MPHOSPH10: variants seen among roughly 807,000 people sequenced by gnomAD.
The protein encoded by MPHOSPH10 is M-phase phosphoprotein 10.
A neutral mutation model predicts 77.3 loss-of-function variants in MPHOSPH10; 33 were observed. The observed-to-expected ratio is 0.43, with a 90% CI of 0.32 to 0.57. MPHOSPH10 has a LOEUF of 0.57. MPHOSPH10 is among the 20% of genes least tolerant of loss of function. The probability of loss-of-function intolerance (pLI) is 0.07; values close to 1 mark genes in which losing one functional copy is unlikely to be tolerated. For synonymous variants in MPHOSPH10, 245 were observed against 268.0 expected, an observed-to-expected ratio of 0.91 and a Z score of 0.84; for missense variants, 708 against 780.1, an observed-to-expected ratio of 0.91 and a Z score of 1.10.
At position 71,138,528 on chromosome 2, in the gene MPHOSPH10, A is replaced by G. The variant is rs1429411333; in HGVS notation, c.1137A>G (p.Leu379=). 8 of 1,598,852 alleles carry G rather than the reference A, an allele frequency of 5.0e-6. No homozygotes were observed. Among genetic ancestry groups the G allele is most frequent in the Non-Finnish European group, 6.8e-6 (8 of 1,174,736 alleles). Residue 379 remains leucine (L), a synonymous_variant, in exon 5 of 11, where the codon TTA becomes TTG. Coordinates refer to ENST00000244230, the MANE Select transcript of MPHOSPH10 (RefSeq NM_005791.3). ...TTGCATCTTTAGAAAAAGAGTTGTTAGAAAAAAAGCCGTGGCAGCTTCAGG... is the reference window on the plus strand; with the variant it reads ...TTGCATCTTTAGAAAAAGAGTTGTTGGAAAAAAAGCCGTGGCAGCTTCAGG... ...EKIASLEKEL[L]EKKPWQLQGE...
At chr2:71,140,025 C>A (rs1186495512) in intron 6 of MPHOSPH10, among the ~76,000 whole-genome samples, 163 bp downstream of exon 6, 1 of 152,136 alleles carries the variant, frequency 6.6e-6, no homozygotes, top group Non-Finnish European at 1.5e-5. Flanking sequence ...AGGTACTGCT[C>A]TTCAGTAGTA....
At chr2:71,141,178 A>G (rs1347047480) in intron 6 of MPHOSPH10, 54 bp from the exon 7 acceptor site, 4 of 1,233,732 alleles carry the variant, frequency 3.2e-6, no homozygotes, top group Non-Finnish European at 4.2e-6. Context: ...TCTTAAGTGA[A>G]CCTAGAAATA....
chr2:71,133,148 G>A lies in MPHOSPH10; in HGVS notation c.340G>A (p.Glu114Lys), dbSNP rs1673419560. 3 of 1,613,986 alleles carry A rather than the reference G, an allele frequency of 1.9e-6. No individual in the cohort carries two copies. Among genetic ancestry groups the A allele is most frequent in the South Asian group, 1.1e-5 (1 of 91,068 alleles). The change falls in exon 2 of 11, where the codon GAA (glutamate) becomes AAA (lysine). Residue 114 changes from glutamate (E) to lysine (K), a missense_variant. Glu to Lys is a moderately conservative substitution (Grantham distance 56). Around this residue, in one of 3 missense-constraint regions of MPHOSPH10, gnomAD observed 433 missense variants for 432.6 expected, o/e 1.00. Coordinates refer to ENST00000244230, the MANE Select transcript of MPHOSPH10 (RefSeq NM_005791.3). ...ISLLPESEEQ[E>K]REEDGSEIEA... Reference sequence around the variant, plus strand: ...TCTTCTCCCAGAGAGTGAAGAACAGGAACGTGAAGAGGATGGTTCAGAGAT... The same window carrying A: ...TCTTCTCCCAGAGAGTGAAGAACAGAAACGTGAAGAGGATGGTTCAGAGAT...
Position 71,149,390 on chromosome 2 carries a change from CA to C in MPHOSPH10, c.1837del (p.Thr613GlnfsTer2), listed in dbSNP as rs1558757644. 6.2e-7 allele frequency: 1 copy of C among 1,613,116 alleles called. No homozygotes were observed. Among genetic ancestry groups the C allele is most frequent in the South Asian group, 1.1e-5 (1 of 91,022 alleles). On this transcript the variant is annotated frameshift_variant, in exon 10 of 11. Coordinates refer to ENST00000244230, the MANE Select transcript of MPHOSPH10 (RefSeq NM_005791.3). LOFTEE classifies it high-confidence loss of function. ...GTGTAGATCAAGCAGGGAAATACAG[CA>C]AAACAGTAGCTTCGGAGAAGTTAAA... The part of the protein sequence containing the change: ...SSVDQAGKYS[K>X]TVASEKLKQL...
At chr2:71,147,621 C>T (rs562395344) in intron 8 of MPHOSPH10, among the ~76,000 whole-genome samples, 8 of 151,746 alleles carry the variant, frequency 5.3e-5, no homozygotes, top group East Asian at 1.9e-4. Flanking sequence ...TGCAGTGAGC[C>T]GAGATAGCGC....
rs1035464899 is a variant in MPHOSPH10, at chr2:71,134,903, A to G, written c.1098+106A>G. 2.2e-5 allele frequency: 20 copies of G among 916,520 alleles called. No homozygotes were observed. The African/African-American group carries it at 3.4e-4, about 15-fold the overall frequency. 56.8% of individuals were successfully genotyped at this position (916,520 alleles called of 1,614,324 possible). On this transcript the variant is annotated intron_variant, in intron 4 of 10. Coordinates refer to ENST00000244230, the MANE Select transcript of MPHOSPH10 (RefSeq NM_005791.3). The stretch of plus-strand genomic sequence containing the variant: ...ATATCTTGGCCAGGTGCAGTGGCTC[A>G]CGCCTGTAATCCTAACACTTTGGTA...
Position 71,135,142 on chromosome 2 carries a change from G to A in MPHOSPH10, c.1098+345G>A, listed in dbSNP as rs1340077165. ...GATTGCATCACTGCTCTCTAGCCTG[G>A]GCGGCAAGCAAGACCTTGTCTTAAA... is the stretch of plus-strand genomic sequence containing the variant. On this transcript the variant is annotated intron_variant, in intron 4 of 10. Transcript: ENST00000244230. 2.6e-5 allele frequency among the ~76,000 whole-genome samples: 4 copies of A among 152,174 alleles called. No homozygotes were observed. In the East Asian group the frequency reaches 7.7e-4, roughly 29 times the overall value.
intron 4 of MPHOSPH10, among the ~76,000 whole-genome samples, chr2:71,136,423 G>A (rs1212897966): frequency 6.6e-6 from 1 of 152,042 alleles, no homozygotes; most frequent in Admixed American, 6.6e-5. Context: ...GCTGATGGGG[G>A]AGGATCTCTT....
At position 71,149,371 on chromosome 2, in the gene MPHOSPH10, A is replaced by T. The variant is rs1572902443; in HGVS notation, c.1814A>T (p.Asp605Val). 3 of 1,614,178 alleles carry T rather than the reference A, an allele frequency of 1.9e-6. No homozygotes were observed. Among genetic ancestry groups the T allele is most frequent in the East Asian group, 2.2e-5 (1 of 44,886 alleles). ...AAACTGCTTGAAAAGAGCAGTGTAGATCAAGCAGGGAAATACAGCAAAACA... is the reference window on the plus strand; with the variant it reads ...AAACTGCTTGAAAAGAGCAGTGTAGTTCAAGCAGGGAAATACAGCAAAACA... ...RRKLLEKSSV[D>V]QAGKYSKTVA... The change falls in exon 10 of 11, where the codon GAT (aspartate) becomes GTT (valine). Residue 605 changes from aspartate to valine, a missense_variant. Physicochemically the swap from Asp to Val is radical, Grantham distance 152. Transcript: ENST00000244230.
Position 71,134,620 on chromosome 2 carries a change from T to C in MPHOSPH10, c.927-6T>C, listed in dbSNP as rs1287419136. 6.3e-7 allele frequency: 1 copy of C among 1,588,324 alleles called. No individual in the cohort carries two copies. Among genetic ancestry groups the C allele is most frequent in the South Asian group, 1.2e-5 (1 of 85,412 alleles). On this transcript the variant is annotated splice_polypyrimidine_tract_variant and splice_region_variant and intron_variant, in intron 3 of 10. Coordinates refer to ENST00000244230, the MANE Select transcript of MPHOSPH10 (RefSeq NM_005791.3). ...ATTTCTTTTTATAAGAGTTTTGGTA[T>C]TGTAGGGATGAAGATGATGACCTTC... is the stretch of plus-strand genomic sequence containing the variant.
rs1252533533 is a variant in MPHOSPH10 at position 71,133,398 on chromosome 2, A to G, written c.590A>G (p.Lys197Arg). 6.2e-7 allele frequency: 1 copy of G among 1,614,156 alleles called. No homozygotes were observed. The highest frequency in any genetic ancestry group is 1.3e-5 in the African/African-American group (1 of 75,058). ...QNKGQGKPRE[K>R]SIVDDKFFKL... ...AAAGGACAGGGAAAACCAAGAGAAA[A>G]GTCCATAGTAGATGATAAATTCTTC... is the stretch of plus-strand genomic sequence containing the variant. The change falls in exon 2 of 11, where the codon AAG becomes AGG. Residue 197 changes from lysine (K) to arginine (R), a missense_variant. Lys to Arg is a conservative substitution (Grantham distance 26). Coordinates refer to ENST00000244230, the MANE Select transcript of MPHOSPH10 (RefSeq NM_005791.3).
rs745584942 is a variant in MPHOSPH10, at chr2:71,141,276, A to T, written c.1353A>T (p.Ala451=). The change falls in exon 7 of 11, where the codon GCA becomes GCT. Residue 451 remains alanine (A), a synonymous_variant. Transcript: ENST00000244230. ...GTAAAGAAAAACCTAAAGAGGATGC[A>T]TATGAATATAAAAAGCGTTTAACCT... The part of the protein sequence containing the change: ...VVRKEKPKED[A]YEYKKRLTLD... 1 of 1,564,932 alleles carries T rather than the reference A, an allele frequency of 6.4e-7. No homozygotes were observed. The highest frequency in any genetic ancestry group is 1.2e-5 in the South Asian group (1 of 81,482).
intron 10 of MPHOSPH10, 72 bp downstream of exon 10, chr2:71,149,525 T>C: frequency 2.1e-6 from 3 of 1,405,156 alleles, no homozygotes; most frequent in Non-Finnish European, 3.0e-6. Context: ...GCTGGGTGAC[T>C]GGAATGTCTG....
rs765889482 is a variant in MPHOSPH10, at chr2:71,133,259, A to G, written c.451A>G (p.Arg151Gly). 2.4e-5 allele frequency: 38 copies of G among 1,614,166 alleles called. No individual in the cohort carries two copies. Among genetic ancestry groups the G allele is most frequent in the Non-Finnish European group, 3.1e-5 (36 of 1,180,024 alleles). ...TAATGATGATCCTGAAATGGGTGAG[A>G]GAGCTGAAAACTCAAGCAAATCTGA... ...MGNDDPEMGERAENSSKSDLR... is the reference protein window; with the variant it reads ...MGNDDPEMGEGAENSSKSDLR... The change falls in exon 2 of 11, where the codon AGA becomes GGA. Residue 151 changes from arginine (R) to glycine (G), a missense_variant. Transcript: ENST00000244230.
Position 71,148,111 on chromosome 2 carries a change from G to A in MPHOSPH10, c.1665+5G>A, listed in dbSNP as rs1337447562. ...CTGGCCCCAGAGGAGATCAAGGTAA[G>A]AAGCCAATGTTGAAACCTTAAATGT... On this transcript the variant is annotated splice_donor_5th_base_variant and intron_variant, in intron 9 of 10. Transcript: ENST00000244230. 2 of 1,606,424 alleles carry A rather than the reference G, an allele frequency of 1.2e-6. No homozygotes were observed. The highest frequency in any genetic ancestry group is 1.7e-6 in the Non-Finnish European group (2 of 1,173,130).
At chr2:71,137,430 A>G (rs1264276589) in intron 4 of MPHOSPH10, among the ~76,000 whole-genome samples, 1 of 152,042 alleles carries the variant, frequency 6.6e-6, no homozygotes. Flanking sequence ...AGACCAAGGC[A>G]GGAGGATTGC....
At chr2:71,143,068 A>C (rs76339040) in intron 7 of MPHOSPH10, among the ~76,000 whole-genome samples, 2,427 of 152,292 alleles carry the variant, frequency 0.016, 31 homozygotes, top group Non-Finnish European at 0.025. Context: ...AAATAAAAGA[A>C]CAAAAAAGTC....
intron 8 of MPHOSPH10, among the ~76,000 whole-genome samples, chr2:71,147,444 C>T (rs1194336855): frequency 3.3e-5 from 5 of 152,068 alleles, no homozygotes; most frequent in Admixed American, 6.5e-5. Context: ...GAGGCCGAGG[C>T]GGGCAGATCA....
chr2:71,132,859 T>TA, intron 1 of MPHOSPH10, 39 bp from the exon 2 acceptor site: 1 of 1,527,024 alleles, frequency 6.5e-7, no homozygotes, highest in Non-Finnish European at 8.8e-7. Context: ...GTGAAATTAT[T>TA]ACCTGTAATT....
Sources: allele counts gnomAD v4.1 joint callset (sites outside exome capture counted in the v4.1 genomes callset), GRCh38; gene constraint gnomAD v4.1.1; regional missense constraint gnomAD v4.1.1; transcripts MANE v1.5; gene names NCBI Gene and HGNC (gene_info 2026-07-23, HGNC 2026-07-21).